Variants in PABPN1 observed in about 807,000 individuals in gnomAD.
PABPN1 encodes poly(A) binding protein nuclear 1, also known as polyadenylate-binding protein 2.
A neutral mutation model predicts 33.4 loss-of-function variants in PABPN1; 5 were observed. The ratio of observed to expected loss-of-function variants is 0.15; its 90% CI spans 0.08 to 0.32. The LOEUF (loss-of-function observed/expected upper bound fraction) is 0.32. PABPN1 is among the 10% of genes least tolerant of loss of function. The pLI is 1.00. For synonymous variants in PABPN1, 176 were observed against 170.6 expected (o/e 1.03, Z -0.25); for missense variants, 312 against 425.8 (o/e 0.73, Z 2.35).
intron 2 of PABPN1, chr14:23,322,673 G>T (rs187219997): frequency 1.1e-5 from 5 of 466,042 alleles, no homozygotes; most frequent in South Asian, 9.2e-5. Context: ...CTTTAATCTA[G>T]AAATGTGGAG....
Position 23,321,716 on chromosome 14 carries a change from G to T in PABPN1, c.247G>T (p.Ala83Ser). The change falls in exon 1 of 7, where the codon GCT (alanine) becomes TCT (serine). Residue 83 changes from alanine (A) to serine (S), a missense_variant. Physicochemically the swap from Ala to Ser is moderately conservative, Grantham distance 99 (BLOSUM62 1). Coordinates refer to ENST00000216727, the MANE Select transcript of PABPN1 (RefSeq NM_004643.4). ...EPPRPRAPPG[A>S]PGPGPGSGAP... is the part of the protein sequence containing the mutation. ...GCCCCGGCCCCGCGCCCCCCCGGGA[G>T]CTCCGGGCCCTGGGCCTGGTTCGGG... 1.3e-6 allele frequency: 2 copies of T among 1,542,396 alleles called. No homozygotes were observed. Among genetic ancestry groups the T allele is most frequent in the Non-Finnish European group, 8.7e-7 (1 of 1,143,818 alleles).
At chr14:23,322,913 GA>G in intron 2 of PABPN1, 85 bp from the exon 3 acceptor site, 1 of 1,582,818 alleles carries the variant, frequency 6.3e-7, no homozygotes, top group Non-Finnish European at 8.7e-7. Context: ...GAGCTTATGG[GA>G]TAGTGCTGGT....
chr14:23,322,351 G>A, intron 2 of PABPN1, 56 bp downstream of exon 2: 4 of 1,466,464 alleles, frequency 2.7e-6, no homozygotes, highest in Non-Finnish European at 3.7e-6. Context: ...AAGGGTTGTG[G>A]GGAGGATGGG....
chr14:23,324,930 G>T, intron 6 of PABPN1: 1 of 334,608 alleles, frequency 3.0e-6, no homozygotes, highest in Non-Finnish European at 5.5e-6. Context: ...GGATCTATTT[G>T]TGATGGCCTA....
chr14:23,322,349 T>G, intron 2 of PABPN1, 54 bp downstream of exon 2: 1 of 1,462,898 alleles, frequency 6.8e-7, no homozygotes, highest in Non-Finnish European at 9.4e-7. Flanking sequence ...GGAAGGGTTG[T>G]GGGGAGGATG....
In PABPN1 at chr14:23,321,693, C is replaced by G; in HGVS notation, c.224C>G (p.Pro75Arg). ...EPEPEPEEEP[P>R]RPRAPPGAPG... The stretch of plus-strand genomic sequence containing the variant: ...GAGCCCGAGCCCGAAGAGGAGCCGC[C>G]CCGGCCCCGCGCCCCCCCGGGAGCT... Residue 75 changes from proline to arginine, a missense_variant, in exon 1 of 7, where the codon CCC (proline) becomes CGC (arginine). By Grantham distance (103) the Pro-to-Arg change is moderately radical (BLOSUM62 -2). Around this residue, in one of 3 missense-constraint regions of PABPN1, gnomAD observed 167 missense variants for 168.9 expected, o/e 0.99. Coordinates refer to ENST00000216727, the MANE Select transcript of PABPN1 (RefSeq NM_004643.4). The G allele has an allele frequency of 6.5e-7, 1 of 1,531,970 alleles. No homozygotes were observed. Among genetic ancestry groups the G allele is most frequent in the Admixed American group, 2.0e-5 (1 of 50,744 alleles). 94.9% of individuals were successfully genotyped at this position (1,531,970 alleles called of 1,614,324 possible).
At chr14:23,322,585 C>T in intron 2 of PABPN1, 1 of 486,892 alleles carries the variant, frequency 2.1e-6, no homozygotes. Context: ...TCGCATTTGA[C>T]CTTCAAATCT....
intron 4 of PABPN1, 110 bp downstream of exon 4, chr14:23,323,593 T>C: frequency 9.9e-7 from 1 of 1,010,476 alleles, no homozygotes; most frequent in Non-Finnish European, 1.5e-6. Flanking sequence ...GTGATCTGTG[T>C]CATTTAAGAT....
intron 6 of PABPN1, 48 bp downstream of exon 6, chr14:23,324,337 C>G (rs747047071): frequency 4.4e-6 from 7 of 1,603,622 alleles, no homozygotes; most frequent in East Asian, 2.2e-5. Context: ...CCGTGAGCCC[C>G]GTATGCTTCC....
In PABPN1 at chr14:23,325,357, A is replaced by T; in HGVS notation, c.*71A>T. ...AGGAAAAAAAAAAGAATTAAAAAAA[A>T]AAAAAAGAAAAACAGAAGATGACCT... On this transcript the variant is annotated 3_prime_UTR_variant, in exon 7 of 7. Transcript: ENST00000216727. 1.3e-6 allele frequency: 2 copies of T among 1,518,194 alleles called. No individual in the cohort carries two copies. The highest frequency in any genetic ancestry group is 8.8e-7 in the Non-Finnish European group (1 of 1,132,862). The allele number at this position is 1,518,194 out of a possible 1,614,324, so 94.0% of individuals were successfully genotyped here.
chr14:23,324,414 T>C, intron 6 of PABPN1, 125 bp downstream of exon 6: 2 of 1,215,484 alleles, frequency 1.6e-6, no homozygotes, highest in Non-Finnish European at 2.3e-6. Context: ...CTTTGTCTCC[T>C]GCCTGTGCAG....
chr14:23,323,839 T>C, intron 4 of PABPN1, 126 bp from the exon 5 acceptor site: 1 of 988,210 alleles, frequency 1.0e-6, no homozygotes, highest in Middle Eastern at 3.1e-4. Context: ...AATTTTCCAT[T>C]TAGAAGAATT....
chr14:23,322,009 A>C, intron 1 of PABPN1, 172 bp from the exon 2 acceptor site: 4 of 805,368 alleles, frequency 5.0e-6, no homozygotes, highest in African/African-American at 1.7e-5. Flanking sequence ...TTCGGGCGTC[A>C]CGGTTGCCTA....
rs1216576502 is a variant in PABPN1 at position 23,324,151 on chromosome 14, G to A, written c.743G>A (p.Arg248Gln). Residue 248 changes from arginine to glutamine, a missense_variant, in exon 6 of 7, where the codon CGA becomes CAA. By Grantham distance (43) the Arg-to-Gln change is conservative (BLOSUM62 1). This residue lies in a region of PABPN1 where 77 missense variants were observed against 185.7 expected (regional missense o/e 0.41). Coordinates refer to ENST00000216727, the MANE Select transcript of PABPN1 (RefSeq NM_004643.4). Reference protein sequence around the residue: ...RGRQIKVIPKRTNRPGISTTD... With the variant: ...RGRQIKVIPKQTNRPGISTTD... ...TCTCTGACTCAGGTGATCCCAAAACGAACCAACAGACCAGGCATCAGCACA... is the reference window on the plus strand; with the variant it reads ...TCTCTGACTCAGGTGATCCCAAAACAAACCAACAGACCAGGCATCAGCACA... The A allele has an allele frequency of 1.2e-6, 2 of 1,614,026 alleles. No individual in the cohort carries two copies. The highest frequency in any genetic ancestry group is 1.7e-6 in the Non-Finnish European group (2 of 1,180,040).
Position 23,325,345 on chromosome 14 carries a change from G to T in PABPN1, c.*59G>T, listed in dbSNP as rs201110573. 9.1e-5 allele frequency: 102 copies of T among 1,115,534 alleles called. No individual in the cohort carries two copies. The highest frequency in any genetic ancestry group is 1.1e-4 in the Non-Finnish European group (93 of 850,162). The allele number at this position is 1,115,534 out of a possible 1,614,324, so 69.1% of individuals were successfully genotyped here. On this transcript the variant is annotated 3_prime_UTR_variant, in exon 7 of 7. Transcript: ENST00000216727. ...AAAGAGGAAAGAAGGAAAAAAAAAA[G>T]AATTAAAAAAAAAAAAAAGAAAAAC...
chr14:23,324,338 G>C (rs776856923), intron 6 of PABPN1, 49 bp downstream of exon 6: 1 of 1,602,982 alleles, frequency 6.2e-7, no homozygotes, highest in South Asian at 1.1e-5. Flanking sequence ...CGTGAGCCCC[G>C]TATGCTTCCT....
At chr14:23,324,900 CTAT>C in intron 6 of PABPN1, 1 of 290,434 alleles carries the variant, frequency 3.4e-6, no homozygotes. Context: ...CTCTACCTGC[CTAT>C]CCCCAGGAGT....
chr14:23,324,538 C>G (rs1174625559), intron 6 of PABPN1: 3 of 599,292 alleles, frequency 5.0e-6, no homozygotes, highest in South Asian at 2.1e-5. Context: ...GCTTCCACCC[C>G]CAGCCTTTTT....
In PABPN1 at chr14:23,322,576, C is replaced by T. The variant is rs114435296; in HGVS notation, c.466+281C>T. ...TCTTTCTTTGTAGAGGTTGCGTGCT[C>T]GCATTTGACCTTCAAATCTAATAGT... is the stretch of plus-strand genomic sequence containing the variant. On this transcript the variant is annotated intron_variant, in intron 2 of 6. Transcript: ENST00000216727. 1.1e-3 allele frequency: 539 copies of T among 495,004 alleles called. 3 individuals are homozygous for T. The highest frequency in any genetic ancestry group is 9.6e-3 in the African/African-American group (496 of 51,698). The allele number at this position is 495,004 out of a possible 1,614,324, so 30.7% of individuals were successfully genotyped here. A position where few individuals can be genotyped will look rare whatever the true frequency, so the allele number is the denominator to read the frequency against.
Sources: allele counts gnomAD v4.1 joint callset, GRCh38; gene constraint gnomAD v4.1.1; regional missense constraint gnomAD v4.1.1; transcripts MANE v1.5; gene names NCBI Gene and HGNC (gene_info 2026-07-23, HGNC 2026-07-21).